The following ITGA11 variants were observed in gnomAD, a reference collection of about 807,000 sequenced individuals.
ITGA11 encodes integrin alpha-11.
ITGA11 carries 97 observed loss-of-function variants against 141.9 expected under a neutral mutation model. The observed-to-expected ratio is 0.68, with a 90% confidence interval of 0.58 to 0.81. The LOEUF (loss-of-function observed/expected upper bound fraction) is 0.81. Ranked by LOEUF, ITGA11 falls within the 30% of genes least tolerant of loss-of-function variation. ITGA11 has a pLI of 0.00. For synonymous variants in ITGA11, 658 were observed against 624.6 expected (o/e 1.05, Z -0.80); for missense variants, 1,387 against 1,559.2 (o/e 0.89, Z 1.86).
chr15:68,426,883 C>T (rs1329132317), intron 1 of ITGA11, among the ~76,000 whole-genome samples: 2 of 151,886 alleles, frequency 1.3e-5, no homozygotes, highest in Non-Finnish European at 2.9e-5. Context: ...GGTATGGTAG[C>T]ACAGGCCTGT....
intron 1 of ITGA11, among the ~76,000 whole-genome samples, chr15:68,405,950 C>T (rs1334394485): frequency 6.6e-6 from 1 of 152,196 alleles, no homozygotes; most frequent in Non-Finnish European, 1.5e-5. Context: ...AGGCCACATA[C>T]ACCCTGATTG....
chr15:68,364,827 A>G lies in ITGA11; in HGVS notation c.266-29T>C, dbSNP rs776699523. The stretch of plus-strand genomic sequence containing the variant: ...GGGTTGGGGGAGAAGTTCAGCTTGC[A>G]GCCCCCTCCTGCCCGCCCTCTGCCC... On this transcript the variant is annotated intron_variant, in intron 3 of 29. Transcript: ENST00000315757. The G allele has an allele frequency of 3.8e-6, 6 of 1,597,256 alleles. No homozygotes were observed. In the Admixed American group the frequency reaches 1.0e-4, roughly 27 times the overall value.
chr15:68,427,254 T>C (rs1457731483), intron 1 of ITGA11, among the ~76,000 whole-genome samples: 3 of 152,208 alleles, frequency 2.0e-5, no homozygotes, highest in African/African-American at 7.2e-5. Flanking sequence ...GGAAGAGTAA[T>C]AATGCTTCTG....
intron 1 of ITGA11, among the ~76,000 whole-genome samples, chr15:68,411,066 T>C (rs1219577899): frequency 6.6e-6 from 1 of 152,198 alleles, no homozygotes; most frequent in Admixed American, 6.5e-5. Context: ...GAGCATCCCA[T>C]GAGCAGCAAC....
intron 7 of ITGA11, among the ~76,000 whole-genome samples, chr15:68,352,037 C>T (rs1207208370): frequency 3.3e-5 from 5 of 151,522 alleles, no homozygotes; most frequent in Non-Finnish European, 5.9e-5. Flanking sequence ...GAGCCAAGAT[C>T]GCACCATTGC....
At chr15:68,346,887 G>A (rs1894760387) in intron 10 of ITGA11, among the ~76,000 whole-genome samples, 1 of 152,152 alleles carries the variant, frequency 6.6e-6, no homozygotes, top group Non-Finnish European at 1.5e-5. Flanking sequence ...CATTGAGCAG[G>A]GGGTCTTCAC....
At chr15:68,331,135 G>A in intron 14 of ITGA11, 24 bp from the exon 15 acceptor site, 2 of 1,573,996 alleles carry the variant, frequency 1.3e-6, no homozygotes, top group South Asian at 1.2e-5. Flanking sequence ...GAAGAGAGGG[G>A]GAGGGCATGC....
At chr15:68,316,645 C>T (rs1893588257) in intron 21 of ITGA11, among the ~76,000 whole-genome samples, 1 of 152,226 alleles carries the variant, frequency 6.6e-6, no homozygotes, top group Admixed American at 6.5e-5. Context: ...GCTGTGCAGA[C>T]CCTGCTCCTG....
intron 3 of ITGA11, 25 bp from the exon 4 acceptor site, chr15:68,364,823 T>C: frequency 4.4e-6 from 7 of 1,604,274 alleles, no homozygotes; most frequent in Non-Finnish European, 5.1e-6. Flanking sequence ...GAAGTTCAGC[T>C]TGCAGCCCCC....
intron 1 of ITGA11, among the ~76,000 whole-genome samples, chr15:68,431,751 G>T (rs759500032): frequency 6.6e-6 from 1 of 152,244 alleles, no homozygotes; most frequent in Non-Finnish European, 1.5e-5. Flanking sequence ...CCAGATCTGG[G>T]AGCTTTTCAA....
intron 2 of ITGA11, among the ~76,000 whole-genome samples, chr15:68,378,029 T>C (rs1244272013): frequency 6.6e-6 from 1 of 152,222 alleles, no homozygotes. Context: ...CTGATGGTAG[T>C]AGCCAAGGAG....
chr15:68,350,701 C>T lies in ITGA11; in HGVS notation c.976G>A (p.Asp326Asn). Residue 326 changes from aspartate (D) to asparagine (N), a missense_variant, in exon 9 of 30, where the codon GAC becomes AAC. Asp to Asn is a conservative substitution (Grantham distance 23). Transcript: ENST00000315757. ...TCAGTGACATTGAAGAAGTGCTTGT[C>T]ATCAGGGTCACTGGCGATGTATTTG... ...EIKYIASDPD[D>N]KHFFNVTDEA... is the part of the protein sequence containing the mutation. 1 of 1,613,940 alleles carries T rather than the reference C, an allele frequency of 6.2e-7. No homozygotes were observed. The highest frequency in any genetic ancestry group is 1.3e-5 in the African/African-American group (1 of 75,038).
At chr15:68,317,099 C>T (rs1893606312) in intron 21 of ITGA11, among the ~76,000 whole-genome samples, 166 bp downstream of exon 21, 1 of 152,144 alleles carries the variant, frequency 6.6e-6, no homozygotes, top group African/African-American at 2.4e-5. Flanking sequence ...CATTTGGTCA[C>T]TTGAATGTAA....
At position 68,324,886 on chromosome 15, in the gene ITGA11, G is replaced by A. The variant is rs552908685; in HGVS notation, c.2322+245C>T. 8.5e-5 allele frequency among the ~76,000 whole-genome samples: 13 copies of A among 152,300 alleles called. No individual in the cohort carries two copies. Among genetic ancestry groups the A allele is most frequent in the East Asian group, 1.9e-4 (1 of 5,164 alleles). ...CTGTGCTCCCCTGTGCTGGGGATAC[G>A]GGGAAACTTGAACAGGAGAAGGCCT... On this transcript the variant is annotated intron_variant, in intron 18 of 29. Transcript: ENST00000315757. This position sits in a 1 kb window ranked among gnomAD's most constrained non-coding sequence, Gnocchi z 6.3.
chr15:68,369,522 C>T (rs1417161368), intron 2 of ITGA11, among the ~76,000 whole-genome samples: 2 of 152,192 alleles, frequency 1.3e-5, no homozygotes, highest in Admixed American at 1.3e-4. Context: ...TGCCTAGGTA[C>T]AGAGATGAAG....
rs1313546939 is a variant in ITGA11 at position 68,326,319 on chromosome 15, C to T, written c.2211+335G>A. On this transcript the variant is annotated intron_variant, in intron 17 of 29. Transcript: ENST00000315757. This position sits in a 1 kb window ranked among gnomAD's most constrained non-coding sequence, Gnocchi z 6.8. ...CCTGGACCTGGCCTTTAATTGTTAG[C>T]TGCTGCCTGCTTATCCCTCCCTTTG... Among the ~76,000 whole-genome samples, 1 of 152,224 alleles carries T rather than the reference C, an allele frequency of 6.6e-6. No individual in the cohort carries two copies. The highest frequency in any genetic ancestry group is 6.5e-5 in the Admixed American group (1 of 15,288).
At chr15:68,372,452 C>T (rs1235907050) in intron 2 of ITGA11, among the ~76,000 whole-genome samples, 5 of 152,218 alleles carry the variant, frequency 3.3e-5, no homozygotes, top group Admixed American at 1.3e-4. Flanking sequence ...CCCCAAAGGT[C>T]GTGGCGAGCA....
At chr15:68,349,689 C>T (rs903029412) in intron 9 of ITGA11, among the ~76,000 whole-genome samples, 6 of 152,142 alleles carry the variant, frequency 3.9e-5, no homozygotes, top group East Asian at 3.9e-4. Context: ...GCCCAAAGCC[C>T]GATATTGGAA....
At chr15:68,318,005 T>C (rs1027458284) in intron 20 of ITGA11, among the ~76,000 whole-genome samples, 5 of 152,128 alleles carry the variant, frequency 3.3e-5, no homozygotes, top group African/African-American at 1.2e-4. Context: ...TTTTTGCATG[T>C]GTGTGCAAAA....
Sources: gnomAD v4.1 joint callset for allele counts (sites outside exome capture counted in the v4.1 genomes callset) on GRCh38, gnomAD v4.1.1 for gene constraint, Gnocchi (gnomAD v3.1) non-coding constraint, MANE v1.5 for transcripts, NCBI Gene and HGNC (gene_info 2026-07-23, HGNC 2026-07-21) for gene names.